The following GARNL3 variants were observed in gnomAD, a reference collection of about 807,000 sequenced individuals.
GARNL3 encodes the protein GTPase-activating Rap/Ran-GAP domain-like protein 3.
Under a neutral mutation model 125.0 loss-of-function variants are expected in GARNL3, and 63 were observed. The ratio of observed to expected loss-of-function variants is 0.50; its 90% CI spans 0.41 to 0.62. GARNL3 has a LOEUF of 0.62. GARNL3 is among the 20% of genes least tolerant of loss of function. GARNL3 has a pLI of 0.00. For synonymous variants in GARNL3, 439 were observed against 457.5 expected, an observed-to-expected ratio of 0.96 and a Z score of 0.52; for missense variants, 994 against 1,244.0, an observed-to-expected ratio of 0.80 and a Z score of 3.02.
chr9:127,261,020 T>G (rs1186485117), upstream of GARNL3, among the ~76,000 whole-genome samples: 1 of 151,894 alleles, frequency 6.6e-6, no homozygotes, highest in African/African-American at 2.4e-5. Context: ...CTTTGGGAGG[T>G]TGAGGCAGGC....
intron 1 of GARNL3, among the ~76,000 whole-genome samples, chr9:127,228,121 A>G (rs2062944977): frequency 6.6e-6 from 1 of 152,338 alleles, no homozygotes; most frequent in East Asian, 1.9e-4. Flanking sequence ...ATTTCCACAC[A>G]TCCTTAAACA....
chr9:127,284,746 TA>T (rs2064198762), intron 1 of GARNL3, among the ~76,000 whole-genome samples: 2 of 150,592 alleles, frequency 1.3e-5, no homozygotes, highest in Non-Finnish European at 3.0e-5. Context: ...CTCAAGAATT[TA>T]TATAAATATA....
At chr9:127,338,258 T>C in intron 12 of GARNL3, 97 bp downstream of exon 12, 3 of 996,510 alleles carry the variant, frequency 3.0e-6, no homozygotes, top group Non-Finnish European at 4.8e-6. Flanking sequence ...TATTTCTTGA[T>C]TGATTTAATA....
intron 1 of GARNL3, among the ~76,000 whole-genome samples, chr9:127,278,873 T>G (rs1315865128): frequency 1.3e-5 from 2 of 152,196 alleles, no homozygotes; most frequent in African/African-American, 4.8e-5. Flanking sequence ...CACTCCAGTC[T>G]CTGCCTCTGT....
upstream of GARNL3, among the ~76,000 whole-genome samples, chr9:127,260,737 G>A (rs953619415): frequency 2.0e-5 from 3 of 152,194 alleles, no homozygotes; most frequent in South Asian, 2.1e-4. Flanking sequence ...GAATTGGGCT[G>A]TAGTTTGCCA....
At chr9:127,369,111 G>A (rs1472747401) in intron 22 of GARNL3, 5 of 131,062 alleles carry the variant, frequency 3.8e-5, no homozygotes, top group African/African-American at 1.4e-4. Flanking sequence ...ATTAAATGGT[G>A]TTCAGTTAAA....
intron 22 of GARNL3, among the ~76,000 whole-genome samples, chr9:127,378,137 A>T (rs1438420474): frequency 6.6e-6 from 1 of 151,768 alleles, no homozygotes; most frequent in Non-Finnish European, 1.5e-5. Context: ...GCTACTCAGG[A>T]GGCCAAGGCA....
intron 9 of GARNL3, among the ~76,000 whole-genome samples, chr9:127,333,978 G>T (rs1036720083): frequency 3.3e-5 from 5 of 152,144 alleles, no homozygotes; most frequent in Non-Finnish European, 5.9e-5. Flanking sequence ...AAGAGACAGG[G>T]TTGCCTTGGG....
intron 10 of GARNL3, 112 bp downstream of exon 10, chr9:127,335,445 C>A: frequency 1.2e-6 from 1 of 847,322 alleles, no homozygotes; most frequent in Non-Finnish European, 2.0e-6. Flanking sequence ...GAGCTGTGGC[C>A]ACCAATTTAG....
At chr9:127,258,883 G>A (rs2063537754), upstream of GARNL3, among the ~76,000 whole-genome samples, 1 of 152,182 alleles carries the variant, frequency 6.6e-6, no homozygotes, top group African/African-American at 2.4e-5. Flanking sequence ...TCGTGGAGCA[G>A]GGGCTGAGGC....
At chr9:127,361,915 T>C (rs1350028810) in intron 21 of GARNL3, 2 of 151,616 alleles carry the variant, frequency 1.3e-5, no homozygotes, top group African/African-American at 4.8e-5. Flanking sequence ...ATCTCTAAAC[T>C]AAAAGCCTGT....
At chr9:127,336,051 G>C in intron 10 of GARNL3, 77 bp from the exon 11 acceptor site, 6 of 1,051,130 alleles carry the variant, frequency 5.7e-6, no homozygotes, top group Non-Finnish European at 8.7e-6. Flanking sequence ...TTGTTATATT[G>C]GGTTATGTTT....
At chr9:127,348,797 A>C in intron 16 of GARNL3, 127 bp from the exon 17 acceptor site, 1 of 603,142 alleles carries the variant, frequency 1.7e-6, no homozygotes, top group East Asian at 3.0e-5. Flanking sequence ...CAGGGTTTGG[A>C]GTGACTCCGC....
chr9:127,260,122 A>G (rs925119903), upstream of GARNL3, among the ~76,000 whole-genome samples: 5 of 152,332 alleles, frequency 3.3e-5, no homozygotes, highest in South Asian at 4.1e-4. Flanking sequence ...ACTAATTCCC[A>G]GAGAGGCTGA....
intron 2 of GARNL3, among the ~76,000 whole-genome samples, chr9:127,298,040 T>G (rs1404801870): frequency 2.6e-5 from 4 of 152,222 alleles, no homozygotes; most frequent in Non-Finnish European, 5.9e-5. Flanking sequence ...CTCACACAAT[T>G]TATAGCCGGA....
At chr9:127,289,075 T>G (rs754236101) in intron 1 of GARNL3, among the ~76,000 whole-genome samples, 8 of 152,194 alleles carry the variant, frequency 5.3e-5, no homozygotes, top group Non-Finnish European at 1.0e-4. Context: ...CTTTTCCCTC[T>G]ATTTTAACAG....
intron 1 of GARNL3, among the ~76,000 whole-genome samples, chr9:127,233,433 GA>G (rs2063055103): frequency 6.6e-6 from 1 of 152,140 alleles, no homozygotes; most frequent in South Asian, 2.1e-4. Flanking sequence ...ATTACCAGAA[GA>G]AGGGAATTGA....
At chr9:127,254,544 G>A (rs377167472) in intron 2 of GARNL3, among the ~76,000 whole-genome samples, 5 of 152,022 alleles carry the variant, frequency 3.3e-5, no homozygotes, top group Admixed American at 1.3e-4. Flanking sequence ...CGAGGCAGGC[G>A]GATCACTTGA....
intron 7 of GARNL3, among the ~76,000 whole-genome samples, chr9:127,330,237 A>G (rs1829148273): frequency 6.6e-6 from 1 of 152,174 alleles, no homozygotes. Context: ...TCAGACCCCA[A>G]ATTACTGTAG....
Sources: gnomAD v4.1 joint callset for allele counts (sites outside exome capture counted in the v4.1 genomes callset) on GRCh38, gnomAD v4.1.1 for gene constraint, MANE v1.5 for transcripts, NCBI Gene and HGNC (gene_info 2026-07-23, HGNC 2026-07-21) for gene names.